RCN2: variants seen among roughly 807,000 people sequenced by gnomAD.
RCN2 encodes reticulocalbin-2.
RCN2 carries 23 observed loss-of-function variants against 37.5 expected under a neutral mutation model. That is an observed-to-expected ratio of 0.61 (90% confidence interval 0.44 to 0.87). The LOEUF is 0.87. Ranked by LOEUF, RCN2 falls within the 40% of genes least tolerant of loss-of-function variation. RCN2 has a pLI of 0.00. For synonymous variants in RCN2, 140 were observed against 144.6 expected (o/e 0.97, Z 0.23); for missense variants, 381 against 390.4 (o/e 0.98, Z 0.20).
At chr15:76,941,752 C>A in intron 3 of RCN2, 1 of 831,796 alleles carries the variant, frequency 1.2e-6, no homozygotes, top group Non-Finnish European at 1.8e-6. Context: ...AAAAAGCTAC[C>A]CCCTTCACTT....
chr15:76,935,643 A>G lies in RCN2; in HGVS notation c.368A>G (p.Asn123Ser), dbSNP rs2075243970. The change falls in exon 3 of 7, where the codon AAC becomes AGC. Residue 123 changes from asparagine (N) to serine (S), a missense_variant. Coordinates refer to ENST00000394885, the MANE Select transcript of RCN2 (RefSeq NM_002902.3). ...GATACTGTGACTTGGGATGAATATA[A>G]CATTCAGATGTATGATCGTGTGATT... ...SDDTVTWDEYNIQMYDRVIDF... is the reference protein window; with the variant it reads ...SDDTVTWDEYSIQMYDRVIDF... The G allele has an allele frequency of 3.1e-6, 5 of 1,613,914 alleles. No individual in the cohort carries two copies. The highest frequency in any genetic ancestry group is 3.4e-6 in the Non-Finnish European group (4 of 1,179,884).
intron 3 of RCN2, among the ~76,000 whole-genome samples, chr15:76,940,960 G>C (rs143864167): frequency 1.3e-5 from 2 of 152,222 alleles, no homozygotes; most frequent in African/African-American, 4.8e-5. Flanking sequence ...ATAATATAAA[G>C]AACAGTTATG....
intron 3 of RCN2, among the ~76,000 whole-genome samples, chr15:76,941,145 T>C (rs1010555119): frequency 6.6e-5 from 10 of 152,146 alleles, no homozygotes; most frequent in African/African-American, 2.4e-4. Flanking sequence ...GCAATCGTCC[T>C]GCCTCAGCCT....
In RCN2 at chr15:76,954,039, G is replaced by GTTTTTTTTTTTTTTTTTT. The variant is rs60194309; in HGVS notation, c.*4830_*4831insTTTTTTTTTTTTTTTTTT. Reference sequence around the variant, plus strand: ...TCCTTACCAACACTTGCTATTTTCTGTTTTTTTTTTTTTCTTTTTTTTTTT... The same window carrying GTTTTTTTTTTTTTTTTTT: ...TCCTTACCAACACTTGCTATTTTCTGTTTTTTTTTTTTTTTTTTTTTTTTTTTTTTTCTTTTTTTTTTT... On this transcript the variant is annotated 3_prime_UTR_variant, in exon 7 of 7. Coordinates refer to ENST00000394885, the MANE Select transcript of RCN2 (RefSeq NM_002902.3). 1.5e-5 allele frequency: 2 copies of GTTTTTTTTTTTTTTTTTT among 131,000 alleles called. No individual in the cohort carries two copies. The highest frequency in any genetic ancestry group is 3.0e-5 in the African/African-American group (1 of 33,680). 8.1% of individuals were successfully genotyped at this position (131,000 alleles called of 1,614,324 possible).
chr15:76,938,415 G>A (rs1214693341), intron 3 of RCN2, among the ~76,000 whole-genome samples: 2 of 152,136 alleles, frequency 1.3e-5, no homozygotes, highest in Non-Finnish European at 2.9e-5. Flanking sequence ...CTTGGGTTTT[G>A]GTATCTGTGG....
chr15:76,952,360 C>T lies in RCN2; in HGVS notation c.*3138C>T, dbSNP rs1364412287. 1 of 151,282 alleles carries T rather than the reference C, an allele frequency of 6.6e-6. No individual in the cohort carries two copies. Among genetic ancestry groups the T allele is most frequent in the Non-Finnish European group, 1.5e-5 (1 of 67,844 alleles). The allele number at this position is 151,282 out of a possible 1,614,324, so 9.4% of individuals were successfully genotyped here. A position where few individuals can be genotyped will look rare whatever the true frequency, so the allele number is the denominator to read the frequency against. On this transcript the variant is annotated 3_prime_UTR_variant, in exon 7 of 7. Transcript: ENST00000394885. The stretch of plus-strand genomic sequence containing the variant: ...CTAAAGTCTTTCTGCTCCACCTATT[C>T]ATCCCTCCCTTCCCTGTAACCCCAA...
chr15:76,944,531 C>T lies in RCN2; in HGVS notation c.561+660C>T, dbSNP rs187614946. 3.3e-5 allele frequency among the ~76,000 whole-genome samples: 5 copies of T among 152,236 alleles called. No individual in the cohort carries two copies. The East Asian group carries it at 9.6e-4, about 29-fold the overall frequency. ...CTCAGCGCCCCCTCCCCCAACACTT[C>T]CCAGTCTCTGGTAACCATCTTCTAC... On this transcript the variant is annotated intron_variant, in intron 4 of 6. Coordinates refer to ENST00000394885, the MANE Select transcript of RCN2 (RefSeq NM_002902.3).
intron 1 of RCN2, 144 bp downstream of exon 1, chr15:76,932,129 T>C (rs2075225990): frequency 2.3e-6 from 2 of 869,994 alleles, no homozygotes; most frequent in Non-Finnish European, 3.2e-6. Context: ...GCACTCGCTC[T>C]CTGGGGGTCC....
At position 76,949,566 on chromosome 15, in the gene RCN2, A is replaced by G. The variant is rs564384405; in HGVS notation, c.*344A>G. The G allele has an allele frequency of 1.9e-3, 306 of 162,428 alleles. 2 individuals carry two copies. The highest frequency in any genetic ancestry group is 3.3e-3 in the Non-Finnish European group (245 of 74,714). 10.1% of individuals were successfully genotyped at this position (162,428 alleles called of 1,614,324 possible). A position where few individuals can be genotyped will look rare whatever the true frequency, so the allele number is the denominator to read the frequency against. ...AGAGATGCCTGAACAATATTATTTAAGTAGTATGTGACCGAGCTATAAATT... is the reference window on the plus strand; with the variant it reads ...AGAGATGCCTGAACAATATTATTTAGGTAGTATGTGACCGAGCTATAAATT... On this transcript the variant is annotated 3_prime_UTR_variant, in exon 7 of 7. Transcript: ENST00000394885.
chr15:76,935,436 A>AT (rs1387887919), intron 2 of RCN2, 90 bp from the exon 3 acceptor site: 7 of 942,516 alleles, frequency 7.4e-6, no homozygotes, highest in Non-Finnish European at 1.1e-5. Context: ...AACATCAAAG[A>AT]TTTTGCCTTT....
rs142523486 is a variant in RCN2 at position 76,952,511 on chromosome 15, A to G, written c.*3289A>G. ...TGGTATTAAATACAGTCAAAATGTG[A>G]AACTATTACCACCTTCCATCTCCAT... On this transcript the variant is annotated 3_prime_UTR_variant, in exon 7 of 7. Transcript: ENST00000394885. 6.6e-6 allele frequency: 1 copy of G among 152,358 alleles called. No homozygotes were observed. The highest frequency in any genetic ancestry group is 1.9e-4 in the East Asian group (1 of 5,190). The allele number at this position is 152,358 out of a possible 1,614,324, so 9.4% of individuals were successfully genotyped here.
Position 76,947,528 on chromosome 15 carries a change from T to C in RCN2, c.658+11T>C, listed in dbSNP as rs370968687. On this transcript the variant is annotated intron_variant, in intron 5 of 6. Transcript: ENST00000394885. ...ACAGGTGGGATCCAAGTAAGTCACC[T>C]GGGAGAATGTGAAAAGAGAAAAGGA... 1.3e-6 allele frequency: 2 copies of C among 1,489,358 alleles called. No individual in the cohort carries two copies. The highest frequency in any genetic ancestry group is 2.8e-5 in the African/African-American group (2 of 71,770). The allele number at this position is 1,489,358 out of a possible 1,614,324, so 92.3% of individuals were successfully genotyped here. A position where few individuals can be genotyped will look rare whatever the true frequency, so the allele number is the denominator to read the frequency against.
rs16968587 is a variant in RCN2, at chr15:76,941,853, T to C, written c.448-1905T>C. 8.8e-3 allele frequency: 3,846 copies of C among 436,528 alleles called. 248 individuals carry two copies. In the East Asian group the frequency reaches 0.12, roughly 14 times the overall value. The allele number at this position is 436,528 out of a possible 1,614,324, so 27.0% of individuals were successfully genotyped here. On this transcript the variant is annotated intron_variant, in intron 3 of 6. Transcript: ENST00000394885. The stretch of plus-strand genomic sequence containing the variant: ...CAAATTTAGCTCTTCTCCTGAAACA[T>C]GGACCTTTTTGCTCCAAAGTGAAGG...
Position 76,951,789 on chromosome 15 carries a change from C to T in RCN2, c.*2567C>T, listed in dbSNP as rs1385216613. 6.6e-6 allele frequency: 1 copy of T among 152,120 alleles called. No homozygotes were observed. The highest frequency in any genetic ancestry group is 6.5e-5 in the Admixed American group (1 of 15,272). The allele number at this position is 152,120 out of a possible 1,614,324, so 9.4% of individuals were successfully genotyped here. ...AGACTTTCTGAATCATTGGCTGATT[C>T]TGCCTGAAGGACTTAATGACTTCCA... On this transcript the variant is annotated 3_prime_UTR_variant, in exon 7 of 7. Transcript: ENST00000394885.
chr15:76,935,867 T>C (rs1041289146), intron 3 of RCN2, 145 bp downstream of exon 3: 6 of 571,458 alleles, frequency 1.0e-5, no homozygotes, highest in Admixed American at 3.8e-5. Flanking sequence ...AGCAGTCATT[T>C]TGATGGTTTC....
chr15:76,937,761 C>T (rs1269774299), intron 3 of RCN2, among the ~76,000 whole-genome samples: 4 of 152,048 alleles, frequency 2.6e-5, no homozygotes. Context: ...TAATGTGTCT[C>T]ATGGTTTAAT....
Position 76,943,854 on chromosome 15 carries a change from G to A in RCN2, c.544G>A (p.Glu182Lys). The part of the protein sequence containing the change: ...EEFIAFEHPE[E>K]VDYMTEFVIQ... ...ATTTATTGCTTTTGAGCATCCTGAA[G>A]AAGTTGATTATATGACGGTAAGAAA... Residue 182 changes from glutamate (E) to lysine (K), a missense_variant, in exon 4 of 7, where the codon GAA becomes AAA. Transcript: ENST00000394885. 1.9e-6 allele frequency: 3 copies of A among 1,591,794 alleles called. No individual in the cohort carries two copies. Among genetic ancestry groups the A allele is most frequent in the South Asian group, 2.2e-5 (2 of 89,822 alleles).
At chr15:76,945,411 A>T (rs932664880) in intron 4 of RCN2, among the ~76,000 whole-genome samples, 2 of 152,188 alleles carry the variant, frequency 1.3e-5, no homozygotes, top group Non-Finnish European at 2.9e-5. Context: ...GCTGCTAGTT[A>T]ACTAGTAATG....
intron 1 of RCN2, among the ~76,000 whole-genome samples, 185 bp downstream of exon 1, chr15:76,932,170 G>A (rs1272353737): frequency 6.6e-6 from 1 of 152,106 alleles, no homozygotes; most frequent in African/African-American, 2.4e-5. Context: ...GAGATAGCAC[G>A]GCCCAAGAGC....
Sources: allele counts gnomAD v4.1 joint callset (sites outside exome capture counted in the v4.1 genomes callset), GRCh38; gene constraint gnomAD v4.1.1; transcripts MANE v1.5; gene names NCBI Gene and HGNC (gene_info 2026-07-23, HGNC 2026-07-21).